The following ESRRG variants were observed in gnomAD, a reference collection of about 807,000 sequenced individuals.
ESRRG encodes estrogen related receptor gamma, also known as estrogen-related receptor gamma.
Under a neutral mutation model 44.0 loss-of-function variants are expected in ESRRG, and 13 were observed. The ratio of observed to expected loss-of-function variants is 0.30; its 90% CI spans 0.19 to 0.47. The LOEUF is 0.47. ESRRG is among the 20% of genes least tolerant of loss of function. The pLI is 1.00. For synonymous variants in ESRRG, 215 were observed against 214.6 expected, an observed-to-expected ratio of 1.00 and a Z score of -0.02; for missense variants, 395 against 580.6, an observed-to-expected ratio of 0.68 and a Z score of 3.29.
chr1:217,037,249 T>G (rs1040830346), intron 1 of ESRRG, among the ~76,000 whole-genome samples: 1 of 152,212 alleles, frequency 6.6e-6, no homozygotes, highest in Non-Finnish European at 1.5e-5. Context: ...CTTATTTCAC[T>G]GTATTAGTCT....
intron 2 of ESRRG, among the ~76,000 whole-genome samples, chr1:216,808,034 C>T (rs1048825451): frequency 1.3e-5 from 2 of 152,008 alleles, no homozygotes; most frequent in South Asian, 4.2e-4. Context: ...GTCTTAGAAC[C>T]CTATAGTTGA....
At chr1:216,789,286 T>TGA (rs1193968971) in intron 2 of ESRRG, among the ~76,000 whole-genome samples, 2 of 152,112 alleles carry the variant, frequency 1.3e-5, no homozygotes, top group Non-Finnish European at 2.9e-5. Context: ...CACCCCAACC[T>TGA]TCAGCAACTG....
At chr1:216,928,931 G>A (rs1026817530) in intron 2 of ESRRG, among the ~76,000 whole-genome samples, 4 of 152,094 alleles carry the variant, frequency 2.6e-5, no homozygotes, top group African/African-American at 9.7e-5. Flanking sequence ...GAAAGAATGG[G>A]GGATGCTAGG....
At chr1:216,830,190 G>A (rs770938675) in intron 2 of ESRRG, among the ~76,000 whole-genome samples, 1 of 152,144 alleles carries the variant, frequency 6.6e-6, no homozygotes, top group South Asian at 2.1e-4. Flanking sequence ...CATTAATAAC[G>A]TAGTTAATAT....
At chr1:216,828,105 T>C (rs1017919824) in intron 2 of ESRRG, among the ~76,000 whole-genome samples, 5 of 152,178 alleles carry the variant, frequency 3.3e-5, no homozygotes, top group South Asian at 2.1e-4. Flanking sequence ...GATTGAACAT[T>C]TCTCTCAAGC....
intron 1 of ESRRG, among the ~76,000 whole-genome samples, chr1:217,066,782 T>G (rs2089786031): frequency 6.6e-6 from 1 of 152,144 alleles, no homozygotes; most frequent in Non-Finnish European, 1.5e-5. Flanking sequence ...GGCACCCTCT[T>G]CCAGTCTTAA....
intron 2 of ESRRG, chr1:216,863,585 C>A (rs1006852079): frequency 2.0e-5 from 3 of 152,108 alleles, no homozygotes; most frequent in Non-Finnish European, 4.4e-5. Flanking sequence ...TTAGTCAAAC[C>A]TTTTATTTCC....
At chr1:216,601,331 T>C (rs1426916424) in intron 3 of ESRRG, among the ~76,000 whole-genome samples, 1 of 152,014 alleles carries the variant, frequency 6.6e-6, no homozygotes, top group Non-Finnish European at 1.5e-5. Flanking sequence ...CGGAGGGCGC[T>C]GCGCGCGTCC....
rs2079960866 is a variant in ESRRG, at chr1:216,695,482, T to A, written c.57-17991A>T. Among the ~76,000 whole-genome samples, 2 of 152,200 alleles carry A rather than the reference T, an allele frequency of 1.3e-5. 1 individual carries two copies. The highest frequency in any genetic ancestry group is 4.1e-4 in the South Asian group (2 of 4,834). On this transcript the variant is annotated intron_variant, in intron 1 of 6. Coordinates refer to ENST00000408911, the MANE Select transcript of ESRRG (RefSeq NM_001438.4). Reference sequence around the variant, plus strand: ...GATTTCATACAACTTCATGTGAGTCTATAATTATCTCAAAATAAAAAGTTT... The same window carrying A: ...GATTTCATACAACTTCATGTGAGTCAATAATTATCTCAAAATAAAAAGTTT...
intron 1 of ESRRG, among the ~76,000 whole-genome samples, chr1:217,053,823 T>G (rs1378164991): frequency 6.6e-6 from 1 of 151,902 alleles, no homozygotes; most frequent in Non-Finnish European, 1.5e-5. Context: ...GGGGGCAACA[T>G]GGGAAGAAGG....
At chr1:217,003,979 A>C (rs2077403565) in intron 1 of ESRRG, among the ~76,000 whole-genome samples, 1 of 151,974 alleles carries the variant, frequency 6.6e-6, no homozygotes, top group Admixed American at 6.6e-5. Context: ...GAATATTCAT[A>C]ATTATCTTAT....
At position 216,600,699 on chromosome 1, in the gene ESRRG, A is replaced by T. The variant is rs1268846639; in HGVS notation, c.590-32601T>A. ...TCCCAAATAAATAAATCCACTCTTG[A>T]GGTATACAGATGACTGCATTTATCT... On this transcript the variant is annotated intron_variant, in intron 3 of 6. Coordinates refer to ENST00000408911, the MANE Select transcript of ESRRG (RefSeq NM_001438.4). Among the ~76,000 whole-genome samples, 5 of 152,212 alleles carry T rather than the reference A, an allele frequency of 3.3e-5. No homozygotes were observed. In the East Asian group the frequency reaches 9.6e-4, roughly 29 times the overall value.
chr1:216,581,337 T>G lies in ESRRG; in HGVS notation c.590-13239A>C, dbSNP rs1007533977. ...ATATATGTATACCTCTGTATATATG[T>G]ATATACATGCATACTTGTACATATA... On this transcript the variant is annotated intron_variant, in intron 3 of 6. Coordinates refer to ENST00000408911, the MANE Select transcript of ESRRG (RefSeq NM_001438.4). Among the ~76,000 whole-genome samples the G allele has an allele frequency of 5.3e-5, 8 of 152,214 alleles. No individual in the cohort carries two copies. The East Asian group carries it at 1.5e-3, about 29-fold the overall frequency.
intron 1 of ESRRG, among the ~76,000 whole-genome samples, chr1:217,010,637 A>G (rs2078425926): frequency 2.0e-5 from 3 of 152,216 alleles, no homozygotes; most frequent in Admixed American, 2.0e-4. Context: ...GCCTTGTCAG[A>G]GGTTATCTTT....
chr1:216,535,584 AC>A (rs2050702646), intron 5 of ESRRG, among the ~76,000 whole-genome samples: 2 of 152,074 alleles, frequency 1.3e-5, no homozygotes, highest in Non-Finnish European at 2.9e-5. Context: ...AGTTAAAGAG[AC>A]TGCTCTTTCT....
At chr1:217,038,486 A>T (rs1025020898) in intron 1 of ESRRG, among the ~76,000 whole-genome samples, 1 of 152,090 alleles carries the variant, frequency 6.6e-6, no homozygotes, top group Non-Finnish European at 1.5e-5. Flanking sequence ...CCCAAATCTC[A>T]TCTCAAATTG....
At chr1:216,788,315 AT>A (rs1031697307) in intron 2 of ESRRG, among the ~76,000 whole-genome samples, 9 of 152,088 alleles carry the variant, frequency 5.9e-5, no homozygotes, top group Non-Finnish European at 1.3e-4. Flanking sequence ...ACAGTTGGTG[AT>A]TTTAAGTTGA....
At chr1:217,090,462 G>A (rs1038236843), upstream of ESRRG, 2 of 152,268 alleles carry the variant, frequency 1.3e-5, no homozygotes, top group Non-Finnish European at 2.9e-5. Flanking sequence ...CACCAAGACA[G>A]CGAGGAGCAT....
intron 3 of ESRRG, among the ~76,000 whole-genome samples, chr1:216,632,018 A>C (rs2064304246): frequency 6.6e-6 from 1 of 152,202 alleles, no homozygotes; most frequent in South Asian, 2.1e-4. Context: ...TCTAAGAAAG[A>C]AAACATGGTA....
Sources: allele counts gnomAD v4.1 joint callset (sites outside exome capture counted in the v4.1 genomes callset), GRCh38; gene constraint gnomAD v4.1.1; transcripts MANE v1.5; gene names NCBI Gene and HGNC (gene_info 2026-07-23, HGNC 2026-07-21).